STK32A: variants seen among roughly 807,000 people sequenced by gnomAD.
STK32A encodes the protein serine/threonine-protein kinase 32A.
STK32A carries 41 observed loss-of-function variants against 53.2 expected under a neutral mutation model. That is an observed-to-expected ratio of 0.77 (90% CI 0.60 to 1.00). The LOEUF (loss-of-function observed/expected upper bound fraction) is 1.00. STK32A is among the 50% of genes least tolerant of loss of function. STK32A has a pLI of 0.00. For missense variants in STK32A, 458 were observed against 485.8 expected, an observed-to-expected ratio of 0.94 and a Z score of 0.54; for synonymous variants, 166 against 162.8, an observed-to-expected ratio of 1.02 and a Z score of -0.15.
chr5:147,265,070 T>C (rs1754743134), intron 2 of STK32A, among the ~76,000 whole-genome samples: 1 of 142,962 alleles, frequency 7.0e-6, no homozygotes, highest in Non-Finnish European at 1.5e-5. Context: ...TTTATACTGA[T>C]AGCATATTCG....
chr5:147,249,314 T>C (rs1291867391), intron 2 of STK32A, among the ~76,000 whole-genome samples: 1 of 152,122 alleles, frequency 6.6e-6, no homozygotes, highest in Non-Finnish European at 1.5e-5. Context: ...CTCATAGTTT[T>C]TGTGAGAATA....
intron 4 of STK32A, among the ~76,000 whole-genome samples, chr5:147,297,625 T>G (rs529469520): frequency 1.3e-5 from 2 of 152,272 alleles, no homozygotes; most frequent in African/African-American, 4.8e-5. Context: ...TTCAAAGATA[T>G]GATGAGATTT....
chr5:147,311,380 A>T (rs962168487), intron 4 of STK32A, among the ~76,000 whole-genome samples: 1 of 152,198 alleles, frequency 6.6e-6, no homozygotes, highest in Admixed American at 6.5e-5. Flanking sequence ...AATATTTGTA[A>T]AATGACCATC....
chr5:147,279,459 G>C (rs1213715616), intron 4 of STK32A, 61 bp downstream of exon 4: 1 of 1,464,742 alleles, frequency 6.8e-7, no homozygotes, highest in East Asian at 2.5e-5. Context: ...GCTAGGGGAG[G>C]TCCCCAAATG....
At chr5:147,326,860 A>C (rs1455113853) in intron 5 of STK32A, among the ~76,000 whole-genome samples, 1 of 151,918 alleles carries the variant, frequency 6.6e-6, no homozygotes, top group Admixed American at 6.6e-5. Context: ...CAACATCATT[A>C]AGGCTTTTCA....
At chr5:147,299,409 A>G (rs1175731072) in intron 4 of STK32A, among the ~76,000 whole-genome samples, 1 of 152,096 alleles carries the variant, frequency 6.6e-6, no homozygotes, top group Non-Finnish European at 1.5e-5. Flanking sequence ...CTGACCTCCT[A>G]TCTCATCCTG....
intron 11 of STK32A, among the ~76,000 whole-genome samples, chr5:147,379,615 G>A (rs1757375586): frequency 6.6e-6 from 1 of 151,928 alleles, no homozygotes; most frequent in African/African-American, 2.4e-5. Flanking sequence ...TTTCCCCCCA[G>A]AATATCCTCC....
chr5:147,255,903 G>T (rs1403551827), intron 2 of STK32A, among the ~76,000 whole-genome samples: 1 of 152,110 alleles, frequency 6.6e-6, no homozygotes, highest in Non-Finnish European at 1.5e-5. Flanking sequence ...ATTCCTCATG[G>T]GACCCTAATT....
At chr5:147,284,714 AAAAC>A (rs909021199) in intron 4 of STK32A, among the ~76,000 whole-genome samples, 1 of 151,434 alleles carries the variant, frequency 6.6e-6, no homozygotes, top group African/African-American at 2.4e-5. Context: ...CAACAAAAAA[AAAAC>A]AAATACTTAG....
intron 10 of STK32A, 147 bp downstream of exon 10, chr5:147,373,441 T>C (rs4235731): frequency 0.43 from 476,831 of 1,096,486 alleles, 112,044 homozygotes; most frequent in East Asian, 0.84. Context: ...AATTGAGACA[T>C]GCACAGGGTA....
intron 4 of STK32A, among the ~76,000 whole-genome samples, chr5:147,300,592 A>C (rs1184561973): frequency 6.6e-6 from 1 of 152,212 alleles, no homozygotes; most frequent in African/African-American, 2.4e-5. Flanking sequence ...TGTTAGGGCT[A>C]AGGCCTTTGG....
intron 2 of STK32A, among the ~76,000 whole-genome samples, chr5:147,245,886 A>G (rs1410436208): frequency 6.6e-6 from 1 of 152,216 alleles, no homozygotes; most frequent in Non-Finnish European, 1.5e-5. Flanking sequence ...CTTCAGTGAC[A>G]GAGGCAATGG....
At chr5:147,250,314 CAGAA>C (rs1753931676) in intron 2 of STK32A, among the ~76,000 whole-genome samples, 1 of 152,000 alleles carries the variant, frequency 6.6e-6, no homozygotes, top group Non-Finnish European at 1.5e-5. Context: ...GGGATGGAGA[CAGAA>C]AGACACGGGT....
At chr5:147,333,580 A>G (rs1292567154) in intron 5 of STK32A, among the ~76,000 whole-genome samples, 2 of 152,228 alleles carry the variant, frequency 1.3e-5, no homozygotes, top group East Asian at 3.8e-4. Flanking sequence ...AGTAAAATGA[A>G]GATAGCTATA....
intron 5 of STK32A, among the ~76,000 whole-genome samples, chr5:147,341,136 G>T (rs1755382243): frequency 6.6e-6 from 1 of 152,156 alleles, no homozygotes. Flanking sequence ...CAAGAAATTT[G>T]ATACTGATCT....
At chr5:147,345,644 T>C (rs1755646382) in intron 6 of STK32A, among the ~76,000 whole-genome samples, 1 of 152,162 alleles carries the variant, frequency 6.6e-6, no homozygotes, top group Non-Finnish European at 1.5e-5. Context: ...ACTTTCCGTG[T>C]ACATTCTGCT....
chr5:147,267,339 C>T (rs1754854873), intron 2 of STK32A, among the ~76,000 whole-genome samples: 1 of 152,200 alleles, frequency 6.6e-6, no homozygotes, highest in South Asian at 2.1e-4. Flanking sequence ...CTCATAGTCA[C>T]CATAATGTAT....
chr5:147,274,879 C>T (rs1173256892), intron 2 of STK32A, among the ~76,000 whole-genome samples: 1 of 152,166 alleles, frequency 6.6e-6, no homozygotes, highest in Non-Finnish European at 1.5e-5. Context: ...GGACTGTGCT[C>T]TTAATCTCAG....
At position 147,362,771 on chromosome 5, in the gene STK32A, C is replaced by G. The variant is rs552245877; in HGVS notation, c.660+1157C>G. 6.9e-4 allele frequency among the ~76,000 whole-genome samples: 105 copies of G among 152,298 alleles called. 1 individual carries two copies. Among genetic ancestry groups the G allele is most frequent in the African/African-American group, 2.3e-3 (97 of 41,572 alleles). On this transcript the variant is annotated intron_variant, in intron 8 of 12. Transcript: ENST00000397936. ...GATTCATCCTAAGGCAAAATTTCTC[C>G]TCAGCTATGTACCTATAAAAGCAGA... is the stretch of plus-strand genomic sequence containing the variant.
Sources: gnomAD v4.1 joint callset for allele counts (sites outside exome capture counted in the v4.1 genomes callset) on GRCh38, gnomAD v4.1.1 for gene constraint, MANE v1.5 for transcripts, NCBI Gene and HGNC (gene_info 2026-07-23, HGNC 2026-07-21) for gene names.